RGS6: variants seen among roughly 807,000 people sequenced by gnomAD.
RGS6 encodes regulator of G protein signaling 6.
Under a neutral mutation model 78.5 loss-of-function variants are expected in RGS6, and 30 were observed. That is an observed-to-expected ratio of 0.38 (90% CI 0.29 to 0.52). The LOEUF is 0.52. RGS6 is among the 20% of genes least tolerant of loss of function. The pLI is 0.85. For missense variants in RGS6, 495 were observed against 609.7 expected, an observed-to-expected ratio of 0.81 and a Z score of 1.98; for synonymous variants, 206 against 206.0, an observed-to-expected ratio of 1.00 and a Z score of 0.00.
intron 3 of RGS6, among the ~76,000 whole-genome samples, chr14:72,363,978 T>A (rs1481449253): frequency 1.0e-5 from 1 of 100,478 alleles, no homozygotes; most frequent in Non-Finnish European, 1.8e-5. Context: ...AATCTAACCA[T>A]CACTTGTCAG....
chr14:72,599,579 T>A, the RGS6 span, among the ~76,000 whole-genome samples: 1 of 141,768 alleles, frequency 7.1e-6, no homozygotes, highest in Non-Finnish European at 1.5e-5. Flanking sequence ...TGGCTAATTT[T>A]TTTTTTTTTT....
In RGS6 at chr14:72,405,072, G is replaced by A. The variant is rs539379894; in HGVS notation, c.185-49456G>A. On this transcript the variant is annotated intron_variant, in intron 3 of 17. Coordinates refer to ENST00000553525, the MANE Select transcript of RGS6 (RefSeq NM_001204424.2). The stretch of plus-strand genomic sequence containing the variant: ...CAGACTTTTTAAGATCAGTGTAAGG[G>A]AAAAAAAAATCCTTGACAATCAGAA... Among the ~76,000 whole-genome samples the A allele has an allele frequency of 6.3e-4, 96 of 151,368 alleles. No homozygotes were observed. In the East Asian group the frequency reaches 0.015, roughly 23 times the overall value.
intron 2 of RGS6, among the ~76,000 whole-genome samples, chr14:72,151,987 C>T (rs1011512802): frequency 6.6e-6 from 1 of 152,126 alleles, no homozygotes; most frequent in African/African-American, 2.4e-5. Context: ...GGGCTACGTC[C>T]TTTACTTCCC....
intron 14 of RGS6, 31 bp downstream of exon 14, chr14:72,510,310 G>C: frequency 1.2e-6 from 2 of 1,613,688 alleles, no homozygotes; most frequent in South Asian, 1.1e-5. Context: ...GCTGTGTGCG[G>C]AATGTGTGTG....
intron 3 of RGS6, among the ~76,000 whole-genome samples, chr14:72,441,316 T>C (rs2095190612): frequency 6.6e-6 from 1 of 152,340 alleles, no homozygotes; most frequent in African/African-American, 2.4e-5. Context: ...GAGGTCTGAA[T>C]TGCAGTCTCT....
chr14:72,430,900 T>A (rs1342467789), intron 3 of RGS6, among the ~76,000 whole-genome samples: 1 of 152,174 alleles, frequency 6.6e-6, no homozygotes, highest in East Asian at 1.9e-4. Flanking sequence ...GAAAATATTA[T>A]TTAATCCAGG....
At chr14:72,456,207 T>G (rs2095625954) in intron 4 of RGS6, among the ~76,000 whole-genome samples, 1 of 152,134 alleles carries the variant, frequency 6.6e-6, no homozygotes, top group Non-Finnish European at 1.5e-5. Flanking sequence ...AGGGGGGAGA[T>G]GAGGCAAACC....
intron 2 of RGS6, among the ~76,000 whole-genome samples, chr14:72,101,842 G>C (rs1297945938): frequency 1.3e-5 from 2 of 152,170 alleles, no homozygotes; most frequent in Non-Finnish European, 2.9e-5. Context: ...CCTCATAGGG[G>C]AATTACTGCT....
intron 4 of RGS6, among the ~76,000 whole-genome samples, chr14:72,457,198 T>C (rs144608643): frequency 6.6e-6 from 1 of 151,496 alleles, no homozygotes; most frequent in East Asian, 1.9e-4. Context: ...CAAAGGAGAA[T>C]AGGTGGTTCT....
At chr14:72,164,615 C>T (rs1358751845) in intron 2 of RGS6, among the ~76,000 whole-genome samples, 1 of 152,152 alleles carries the variant, frequency 6.6e-6, no homozygotes, top group Admixed American at 6.5e-5. Flanking sequence ...CAGCAAGAAG[C>T]TCAGACAACT....
chr14:72,356,984 G>C (rs1053255419), intron 3 of RGS6, among the ~76,000 whole-genome samples: 4 of 152,142 alleles, frequency 2.6e-5, no homozygotes, highest in Non-Finnish European at 4.4e-5. Flanking sequence ...TGAAAATGTG[G>C]AAGCAGCCAG....
At chr14:72,114,960 G>A (rs2095853423) in intron 2 of RGS6, among the ~76,000 whole-genome samples, 1 of 152,238 alleles carries the variant, frequency 6.6e-6, no homozygotes, top group Admixed American at 6.5e-5. Flanking sequence ...AGCCTGTTTT[G>A]TGGGAAGAAT....
intron 3 of RGS6, among the ~76,000 whole-genome samples, chr14:72,360,183 G>T (rs116404116): frequency 0.023 from 3,504 of 152,196 alleles, 161 homozygotes; most frequent in African/African-American, 0.079. Flanking sequence ...ATGCATATTG[G>T]TGAGTAGTTT....
At chr14:71,923,294 A>G in the RGS6 span, among the ~76,000 whole-genome samples, 1 of 152,228 alleles carries the variant, frequency 6.6e-6, no homozygotes, top group Non-Finnish European at 1.5e-5. Context: ...TGGGTGTGGT[A>G]GACAACAAAC....
chr14:72,598,368 C>T, the RGS6 span, among the ~76,000 whole-genome samples: 1 of 152,186 alleles, frequency 6.6e-6, no homozygotes, highest in African/African-American at 2.4e-5. Flanking sequence ...GGAATTTTCT[C>T]ATTGAGAGAC....
chr14:71,957,614 TGA>T (rs2092889849), intron 1 of RGS6, among the ~76,000 whole-genome samples: 1 of 152,016 alleles, frequency 6.6e-6, no homozygotes. Context: ...AGAGCCCTGG[TGA>T]GAGAGGATGA....
intron 13 of RGS6, among the ~76,000 whole-genome samples, chr14:72,508,988 A>G (rs2096845537): frequency 6.6e-6 from 1 of 152,210 alleles, no homozygotes; most frequent in South Asian, 2.1e-4. Context: ...TTATCGCCCA[A>G]CACCAGAAGA....
chr14:72,224,296 CA>C (rs2047573023), intron 2 of RGS6, among the ~76,000 whole-genome samples: 1 of 151,982 alleles, frequency 6.6e-6, no homozygotes, highest in Non-Finnish European at 1.5e-5. Flanking sequence ...GGCATGCACC[CA>C]GTCTCAGCTA....
chr14:72,098,972 C>T (rs531343674), intron 2 of RGS6, among the ~76,000 whole-genome samples: 22 of 152,168 alleles, frequency 1.4e-4, no homozygotes, highest in Non-Finnish European at 2.9e-4. Context: ...TTTTAAGGGG[C>T]ATCAGTCTCT....
Sources: allele counts gnomAD v4.1 joint callset (sites outside exome capture counted in the v4.1 genomes callset), GRCh38; gene constraint gnomAD v4.1.1; transcripts MANE v1.5; gene names NCBI Gene and HGNC (gene_info 2026-07-23, HGNC 2026-07-21).